The following ABCA10 variants were observed in gnomAD, a reference collection of about 807,000 sequenced individuals.
ABCA10 encodes ATP-binding cassette sub-family A member 10.
ABCA10 carries 169 observed loss-of-function variants against 187.5 expected under a neutral mutation model. That is an observed-to-expected ratio of 0.90 (90% CI 0.80 to 1.02). The LOEUF (loss-of-function observed/expected upper bound fraction) is 1.02. ABCA10 is among the 50% of genes least tolerant of loss of function. The probability of loss-of-function intolerance (pLI) is 0.00; values close to 1 mark genes in which losing one functional copy is unlikely to be tolerated. For synonymous variants in ABCA10, 574 were observed against 601.8 expected, an observed-to-expected ratio of 0.95 and a Z score of 0.68; for missense variants, 1,727 against 1,812.4, an observed-to-expected ratio of 0.95 and a Z score of 0.86.
At chr17:69,244,513 ATAAT>A (rs1381818880) in intron 1 of ABCA10, 1 of 151,866 alleles carries the variant, frequency 6.6e-6, no homozygotes, top group Non-Finnish European at 1.5e-5. Flanking sequence ...TAAATAAAAA[ATAAT>A]TAAACTTTTA....
intron 31 of ABCA10, 76 bp downstream of exon 31, chr17:69,154,159 T>C: frequency 6.9e-7 from 1 of 1,454,960 alleles, no homozygotes; most frequent in Non-Finnish European, 9.3e-7. Flanking sequence ...TTTAAAAAGA[T>C]ATTTGATTTA....
In ABCA10 at chr17:69,196,749, G is replaced by A. The variant is rs571453594; in HGVS notation, c.1234+315C>T. Among the ~76,000 whole-genome samples the A allele has an allele frequency of 5.9e-5, 9 of 152,334 alleles. No individual in the cohort carries two copies. In the South Asian group the frequency reaches 1.9e-3, roughly 32 times the overall value. On this transcript the variant is annotated intron_variant, in intron 11 of 38. Transcript: ENST00000690296. ...CTGAGCACTGAGTGAGCGAGACTCCGTCTGCAATCCCAGCACCTCGCGAGG... is the reference window on the plus strand; with the variant it reads ...CTGAGCACTGAGTGAGCGAGACTCCATCTGCAATCCCAGCACCTCGCGAGG...
chr17:69,190,926 A>C (rs1333586676), intron 17 of ABCA10, among the ~76,000 whole-genome samples: 1 of 152,104 alleles, frequency 6.6e-6, no homozygotes, highest in Non-Finnish European at 1.5e-5. Context: ...GCTATTTCAG[A>C]AAAGAGATAT....
chr17:69,185,477 C>T lies in ABCA10; in HGVS notation c.2497G>A (p.Gly833Arg). 6.2e-7 allele frequency: 1 copy of T among 1,610,182 alleles called. No individual in the cohort carries two copies. The highest frequency in any genetic ancestry group is 8.5e-7 in the Non-Finnish European group (1 of 1,177,786). The stretch of plus-strand genomic sequence containing the variant: ...ACTAAATTTCAGCCCCATTTCTCAC[C>T]TGTATTATTAACGATTAACAGGCTG... Reference protein sequence around the residue: ...LTSLLIVNNTGSNIEDLVHSL... With the variant: ...LTSLLIVNNTRSNIEDLVHSL... The change falls in exon 20 of 39, where the codon GGA (glycine) becomes AGA (arginine). Residue 833 changes from glycine to arginine, a missense_variant and splice_region_variant. Gly to Arg is a moderately radical substitution (Grantham distance 125, BLOSUM62 -2). Transcript: ENST00000690296.
At chr17:69,241,967 CTTAA>C (rs1402871903) in intron 1 of ABCA10, among the ~76,000 whole-genome samples, 1 of 152,074 alleles carries the variant, frequency 6.6e-6, no homozygotes, top group East Asian at 1.9e-4. Context: ...TATCTAGTGT[CTTAA>C]TTTGGTGAAG....
intron 5 of ABCA10, among the ~76,000 whole-genome samples, chr17:69,221,203 T>G (rs1009437778): frequency 5.3e-5 from 8 of 152,124 alleles, no homozygotes; most frequent in Admixed American, 3.3e-4. Flanking sequence ...AGTTGAAATA[T>G]CAAGTAAGGT....
At chr17:69,168,466 G>A (rs2074270866) in intron 25 of ABCA10, among the ~76,000 whole-genome samples, 1 of 152,174 alleles carries the variant, frequency 6.6e-6, no homozygotes, top group Admixed American at 6.5e-5. Context: ...CAATATGAAT[G>A]AATGAATAAA....
intron 16 of ABCA10, 90 bp from the exon 17 acceptor site, chr17:69,191,405 G>A: frequency 7.9e-7 from 1 of 1,266,398 alleles, no homozygotes; most frequent in South Asian, 2.6e-5. Flanking sequence ...CAGCTTATAT[G>A]TATTACAGGC....
At chr17:69,171,753 T>C (rs2144776102) in intron 25 of ABCA10, among the ~76,000 whole-genome samples, 1 of 152,260 alleles carries the variant, frequency 6.6e-6, no homozygotes, top group Non-Finnish European at 1.5e-5. Context: ...ACAGTTAAAA[T>C]GTAAGCAACA....
At chr17:69,198,427 G>A (rs760465534) in intron 10 of ABCA10, among the ~76,000 whole-genome samples, 7 of 152,280 alleles carry the variant, frequency 4.6e-5, no homozygotes, top group Non-Finnish European at 1.0e-4. Context: ...AATGAAGCAA[G>A]GTCATTATTC....
At chr17:69,232,378 T>C (rs1161059176), upstream of ABCA10, among the ~76,000 whole-genome samples, 1 of 152,098 alleles carries the variant, frequency 6.6e-6, no homozygotes, top group Non-Finnish European at 1.5e-5. Context: ...TCTTGCTTTG[T>C]ATTTTTAATA....
At position 69,215,950 on chromosome 17, in the gene ABCA10, A is replaced by G; in HGVS notation, c.723T>C (p.Ala241=). ...MSVLIRKPML[A]GLAGFLFTVF... ...CAGTGAAGAGAAATCCAGCCAAACC[A>G]GCGAGCATAGGTTTCCTTATTAAAA... The change falls in exon 8 of 39, where the codon GCT becomes GCC. Residue 241 remains alanine, a synonymous_variant. Coordinates refer to ENST00000690296, the MANE Select transcript of ABCA10 (RefSeq NM_001377321.1). The G allele has an allele frequency of 6.2e-7, 1 of 1,613,996 alleles. No individual in the cohort carries two copies. Among genetic ancestry groups the G allele is most frequent in the Non-Finnish European group, 8.5e-7 (1 of 1,179,960 alleles).
chr17:69,174,849 T>C (rs2074323261), intron 23 of ABCA10, 72 bp from the exon 24 acceptor site: 1 of 1,347,804 alleles, frequency 7.4e-7, no homozygotes, highest in Non-Finnish European at 9.9e-7. Context: ...TAAAAAAAAT[T>C]GTTTAATAAA....
chr17:69,164,884 A>G, intron 26 of ABCA10, 80 bp downstream of exon 26: 2 of 1,465,592 alleles, frequency 1.4e-6, no homozygotes, highest in Non-Finnish European at 1.8e-6. Context: ...TTATAAATGC[A>G]CCTGTTCCGA....
rs113911053 is a variant in ABCA10, at chr17:69,228,022, A to G, written c.-313+559T>C. On this transcript the variant is annotated intron_variant, in intron 1 of 38. Coordinates refer to ENST00000690296, the MANE Select transcript of ABCA10 (RefSeq NM_001377321.1). ...CTGAAGTCCATTTGAATAAATGTTG[A>G]TATTATATACAAATTACAATGTTCA... is the stretch of plus-strand genomic sequence containing the variant. Among the ~76,000 whole-genome samples, 529 of 152,092 alleles carry G rather than the reference A, an allele frequency of 3.5e-3. 4 individuals are homozygous for G. The highest frequency in any genetic ancestry group is 0.012 in the African/African-American group (505 of 41,550).
rs146908579 is a variant in ABCA10 at position 69,223,063 on chromosome 17, G to A, written c.35-366C>T. On this transcript the variant is annotated intron_variant, in intron 3 of 38. Coordinates refer to ENST00000690296, the MANE Select transcript of ABCA10 (RefSeq NM_001377321.1). ...TTGAATGAGGGGTAGGGGAGGAGAGGGGGTAGGGGAGGAGAGGAAGTAGTG... is the reference window on the plus strand; with the variant it reads ...TTGAATGAGGGGTAGGGGAGGAGAGAGGGTAGGGGAGGAGAGGAAGTAGTG... 1.4e-3 allele frequency among the ~76,000 whole-genome samples: 213 copies of A among 151,716 alleles called. 7 individuals are homozygous for A. In the East Asian group the frequency reaches 0.038, roughly 27 times the overall value.
At chr17:69,206,091 A>G (rs1010671962) in intron 9 of ABCA10, among the ~76,000 whole-genome samples, 1 of 152,304 alleles carries the variant, frequency 6.6e-6, no homozygotes, top group East Asian at 1.9e-4. Flanking sequence ...TTGAGCATAC[A>G]ATGTCTGTGA....
intron 16 of ABCA10, 119 bp downstream of exon 16, chr17:69,192,444 T>C: frequency 2.4e-6 from 2 of 823,204 alleles, no homozygotes. Flanking sequence ...GAGCTGTTTA[T>C]TGCAAAACAG....
intron 9 of ABCA10, among the ~76,000 whole-genome samples, chr17:69,211,123 A>G (rs1484444819): frequency 6.6e-6 from 1 of 150,832 alleles, no homozygotes; most frequent in Non-Finnish European, 1.5e-5. Flanking sequence ...CAATCCTACT[A>G]CTAGTTATCC....
Sources: allele counts gnomAD v4.1 joint callset (sites outside exome capture counted in the v4.1 genomes callset), GRCh38; gene constraint gnomAD v4.1.1; transcripts MANE v1.5; gene names NCBI Gene and HGNC (gene_info 2026-07-23, HGNC 2026-07-21).